CSMD1: variants seen among roughly 807,000 people sequenced by gnomAD.
CSMD1 encodes the protein CUB and Sushi multiple domains 1, also known as CUB and sushi domain-containing protein 1.
Under a neutral mutation model 417.5 loss-of-function variants are expected in CSMD1, and 213 were observed. That is an observed-to-expected ratio of 0.51 (90% CI 0.46 to 0.57). The LOEUF is 0.57. Among genes scored for constraint, CSMD1 ranks in the 20% least tolerant of loss-of-function variants. The pLI is 0.00. For missense variants in CSMD1, 6,923 were observed against 4,529.7 expected, an observed-to-expected ratio of 1.53 and a Z score of -15.17; for synonymous variants, 2,862 against 1,736.8, an observed-to-expected ratio of 1.65 and a Z score of -16.11.
intron 4 of CSMD1, among the ~76,000 whole-genome samples, chr8:4,019,019 C>T (rs1451744600): frequency 2.0e-5 from 3 of 152,240 alleles, no homozygotes; most frequent in African/African-American, 7.2e-5. Flanking sequence ...TCTACAATTA[C>T]AGTGACTAAG....
chr8:3,875,259 G>C (rs768174048), intron 5 of CSMD1, among the ~76,000 whole-genome samples: 1 of 152,134 alleles, frequency 6.6e-6, no homozygotes, highest in Admixed American at 6.5e-5. Flanking sequence ...CCATAGCTGA[G>C]AAGAAGGATA....
intron 4 of CSMD1, among the ~76,000 whole-genome samples, chr8:4,007,467 C>A (rs1436929393): frequency 6.6e-6 from 1 of 152,158 alleles, no homozygotes; most frequent in Non-Finnish European, 1.5e-5. Flanking sequence ...GACTTCAGAG[C>A]CCCTCACAAG....
At chr8:3,678,852 T>C (rs1165781294) in intron 7 of CSMD1, among the ~76,000 whole-genome samples, 2 of 152,204 alleles carry the variant, frequency 1.3e-5, no homozygotes, top group African/African-American at 4.8e-5. Flanking sequence ...GCAGAAAGTC[T>C]ACAAGCCAGA....
At chr8:4,806,472 G>A (rs974861331) in intron 1 of CSMD1, among the ~76,000 whole-genome samples, 2 of 147,242 alleles carry the variant, frequency 1.4e-5, no homozygotes, top group Non-Finnish European at 3.0e-5. Flanking sequence ...ACGCCCATCT[G>A]TGGGCCATCT....
chr8:3,072,169 G>C lies in CSMD1; in HGVS notation c.7474+14928C>G, dbSNP rs149194765. Among the ~76,000 whole-genome samples the C allele has an allele frequency of 3.0e-4, 46 of 152,298 alleles. No homozygotes were observed. In the East Asian group the frequency reaches 7.9e-3, roughly 26 times the overall value. On this transcript the variant is annotated intron_variant, in intron 49 of 69. Transcript: ENST00000635120. ...GGCATCTGAGATCAATTCTTCCGGA[G>C]TCTATGTCTGCACAGATTCAAACTA...
intron 11 of CSMD1, among the ~76,000 whole-genome samples, chr8:3,479,924 TG>T (rs1465439559): frequency 1.3e-5 from 2 of 152,270 alleles, no homozygotes; most frequent in East Asian, 1.9e-4. Flanking sequence ...AAGGAAATTA[TG>T]GAACTAAAAA....
chr8:3,318,966 G>A (rs566524930), intron 23 of CSMD1, among the ~76,000 whole-genome samples: 15 of 152,242 alleles, frequency 9.9e-5, no homozygotes, highest in South Asian at 2.1e-4. Flanking sequence ...ACACATATGT[G>A]CATTTATACA....
At chr8:4,194,242 C>T (rs923836678) in intron 3 of CSMD1, among the ~76,000 whole-genome samples, 3 of 152,094 alleles carry the variant, frequency 2.0e-5, no homozygotes, top group Non-Finnish European at 4.4e-5. Context: ...CTGCTTTTAA[C>T]ACCAAATGAG....
chr8:4,231,021 C>A (rs1337378982), intron 3 of CSMD1, among the ~76,000 whole-genome samples: 1 of 152,112 alleles, frequency 6.6e-6, no homozygotes, highest in Non-Finnish European at 1.5e-5. Context: ...ATTCACAGAG[C>A]AAAAACTATC....
intron 10 of CSMD1, among the ~76,000 whole-genome samples, chr8:3,539,171 G>C (rs776796408): frequency 6.6e-6 from 1 of 152,106 alleles, no homozygotes; most frequent in Non-Finnish European, 1.5e-5. Flanking sequence ...CTGGCCGCAG[G>C]GCTCTTGCAT....
intron 11 of CSMD1, among the ~76,000 whole-genome samples, chr8:3,488,786 C>G (rs138424980): frequency 6.6e-6 from 1 of 152,144 alleles, no homozygotes; most frequent in Non-Finnish European, 1.5e-5. Context: ...TCTGTCTATA[C>G]TGTCACTGGC....
intron 23 of CSMD1, among the ~76,000 whole-genome samples, chr8:3,310,700 G>A (rs1329231969): frequency 1.3e-5 from 2 of 152,050 alleles, no homozygotes; most frequent in East Asian, 1.9e-4. Context: ...CTTTTTGAGG[G>A]GTGAGGGCCG....
chr8:4,107,943 G>T (rs1364131872), intron 3 of CSMD1, among the ~76,000 whole-genome samples: 1 of 152,020 alleles, frequency 6.6e-6, no homozygotes. Context: ...GCCCCCTACG[G>T]ACTGAAAACT....
At chr8:4,094,416 C>T (rs964863110) in intron 3 of CSMD1, among the ~76,000 whole-genome samples, 17 of 151,778 alleles carry the variant, frequency 1.1e-4, no homozygotes, top group African/African-American at 3.4e-4. Context: ...CAAGGCAGGG[C>T]GGTCAGGTGT....
At chr8:2,995,094 G>C (rs560510455) in intron 54 of CSMD1, among the ~76,000 whole-genome samples, 6 of 152,176 alleles carry the variant, frequency 3.9e-5, no homozygotes, top group Admixed American at 6.5e-5. Context: ...CCTGTGAAGA[G>C]GATGAAAGTC....
At chr8:4,462,708 T>A (rs1352617944) in intron 2 of CSMD1, among the ~76,000 whole-genome samples, 1 of 152,204 alleles carries the variant, frequency 6.6e-6, no homozygotes, top group Non-Finnish European at 1.5e-5. Context: ...AATTTGATTT[T>A]TGACAAGATG....
chr8:4,129,449 T>C (rs962049234), intron 3 of CSMD1, among the ~76,000 whole-genome samples: 1 of 152,170 alleles, frequency 6.6e-6, no homozygotes, highest in Non-Finnish European at 1.5e-5. Flanking sequence ...CTGAGACAGG[T>C]GCATGGGAGA....
intron 1 of CSMD1, among the ~76,000 whole-genome samples, chr8:4,689,337 T>A (rs1019384484): frequency 6.6e-6 from 1 of 152,240 alleles, no homozygotes; most frequent in African/African-American, 2.4e-5. Flanking sequence ...TTGATCTTCA[T>A]AATGCTCATT....
intron 1 of CSMD1, among the ~76,000 whole-genome samples, chr8:4,954,401 G>T (rs1409710731): frequency 1.3e-5 from 2 of 152,120 alleles, no homozygotes; most frequent in African/African-American, 4.8e-5. Context: ...GATTGAAGCT[G>T]TTTCCAGGTT....
Sources: allele counts gnomAD v4.1 joint callset (sites outside exome capture counted in the v4.1 genomes callset), GRCh38; gene constraint gnomAD v4.1.1; transcripts MANE v1.5; gene names NCBI Gene and HGNC (gene_info 2026-07-23, HGNC 2026-07-21).